PTPRG: variants seen among roughly 807,000 people sequenced by gnomAD.
PTPRG encodes the protein protein tyrosine phosphatase receptor type G, also known as receptor-type tyrosine-protein phosphatase gamma.
Under a neutral mutation model 165.3 loss-of-function variants are expected in PTPRG, and 102 were observed. That is an observed-to-expected ratio of 0.62 (90% confidence interval 0.53 to 0.73). PTPRG has a LOEUF of 0.73. Among genes scored for constraint, PTPRG ranks in the 30% least tolerant of loss-of-function variants. The pLI, the probability that PTPRG is intolerant of heterozygous loss-of-function variation, is 0.00. For synonymous variants in PTPRG, 675 were observed against 669.5 expected (o/e 1.01, Z -0.13); for missense variants, 1,866 against 1,861.4 (o/e 1.00, Z -0.05).
chr3:62,120,895 G>T (rs1271976906), intron 5 of PTPRG, among the ~76,000 whole-genome samples: 2 of 152,096 alleles, frequency 1.3e-5, no homozygotes, highest in Non-Finnish European at 2.9e-5. Context: ...TGTGTTCCTG[G>T]TTGGGTACCA....
In PTPRG at chr3:61,690,392, A is replaced by G. The variant is rs536381435; in HGVS notation, c.86-58486A>G. On this transcript the variant is annotated intron_variant, in intron 1 of 29. Coordinates refer to ENST00000474889, the MANE Select transcript of PTPRG (RefSeq NM_002841.4). The stretch of plus-strand genomic sequence containing the variant: ...CTGCTTTTCTCCAGGATAAATGGCA[A>G]TTGCTTGATGCTTGATAGGGACGTA... 5.3e-5 allele frequency among the ~76,000 whole-genome samples: 8 copies of G among 152,304 alleles called. No individual in the cohort carries two copies. In the South Asian group the frequency reaches 1.7e-3, roughly 32 times the overall value.
chr3:62,099,793 CTTTTTTTT>C (rs759385441), intron 5 of PTPRG, among the ~76,000 whole-genome samples: 1 of 90,728 alleles, frequency 1.1e-5, no homozygotes, highest in Non-Finnish European at 2.0e-5. Context: ...AGTGTTAAAT[CTTTTTTTT>C]TTTTTTTTTT....
chr3:61,860,434 C>CTTTTTTT (rs766688465), intron 2 of PTPRG, among the ~76,000 whole-genome samples: 41 of 95,544 alleles, frequency 4.3e-4, no homozygotes, highest in Middle Eastern at 9.8e-3. Context: ...GTTTTTGTTC[C>CTTTTTTT]TTTTTTTTTT....
At chr3:61,888,898 T>C (rs2038130478) in intron 2 of PTPRG, among the ~76,000 whole-genome samples, 1 of 152,232 alleles carries the variant, frequency 6.6e-6, no homozygotes, top group Admixed American at 6.5e-5. Flanking sequence ...ATGGCAGTTA[T>C]TTTGCAGAAT....
chr3:62,181,148 C>A (rs562898008), intron 8 of PTPRG, among the ~76,000 whole-genome samples: 1 of 152,276 alleles, frequency 6.6e-6, no homozygotes, highest in South Asian at 2.1e-4. Context: ...AGTGAAGACA[C>A]CATGGATTTA....
rs575436086 is a variant in PTPRG at position 62,213,329 on chromosome 3, G to C, written c.2156-5522G>C. On this transcript the variant is annotated intron_variant, in intron 12 of 29. Transcript: ENST00000474889. The surrounding 1 kb of genome is among the most constrained non-coding windows in gnomAD (Gnocchi z 4.4). ...GCCTGTGCACTCACACAGGCCCTGT[G>C]CTCAGAAGGGCCTATGCTTGCTTTC... 2.6e-5 allele frequency among the ~76,000 whole-genome samples: 4 copies of C among 152,228 alleles called. No homozygotes were observed. In the South Asian group the frequency reaches 8.3e-4, roughly 32 times the overall value.
chr3:61,701,313 G>A (rs1368662124), intron 1 of PTPRG, among the ~76,000 whole-genome samples: 1 of 152,082 alleles, frequency 6.6e-6, no homozygotes, highest in Non-Finnish European at 1.5e-5. Context: ...CAAGGTATCT[G>A]ACAACTCCTC....
chr3:61,905,263 C>A (rs2107528625), intron 2 of PTPRG, among the ~76,000 whole-genome samples: 1 of 152,242 alleles, frequency 6.6e-6, no homozygotes, highest in African/African-American at 2.4e-5. Flanking sequence ...ACATAGGGAG[C>A]TTGACTGTGA....
At chr3:62,043,662 A>G (rs1700195155) in intron 4 of PTPRG, among the ~76,000 whole-genome samples, 1 of 152,192 alleles carries the variant, frequency 6.6e-6, no homozygotes, top group South Asian at 2.1e-4. Context: ...GGTTTTAGGT[A>G]TAGAAGAACA....
At chr3:61,823,757 T>C (rs1165349649) in intron 2 of PTPRG, among the ~76,000 whole-genome samples, 1 of 152,226 alleles carries the variant, frequency 6.6e-6, no homozygotes, top group African/African-American at 2.4e-5. Flanking sequence ...ATCAATAATG[T>C]AGGACAACGG....
chr3:62,000,229 G>A (rs1025494376), intron 3 of PTPRG, among the ~76,000 whole-genome samples: 24 of 150,948 alleles, frequency 1.6e-4, no homozygotes, highest in Non-Finnish European at 2.9e-4. Flanking sequence ...TGCAGTGGGC[G>A]GTGATCACAT....
At chr3:61,926,930 A>T (rs1481120154) in intron 2 of PTPRG, among the ~76,000 whole-genome samples, 1 of 152,150 alleles carries the variant, frequency 6.6e-6, no homozygotes, top group Non-Finnish European at 1.5e-5. Context: ...AGAAAAAAAA[A>T]ATCTGTACAT....
At chr3:61,946,381 G>A (rs1413570455) in intron 2 of PTPRG, among the ~76,000 whole-genome samples, 2 of 152,158 alleles carry the variant, frequency 1.3e-5, no homozygotes, top group African/African-American at 4.8e-5. Flanking sequence ...GAACAGAGAA[G>A]GATTTAATTT....
At chr3:61,643,155 C>G (rs1178545869) in intron 1 of PTPRG, among the ~76,000 whole-genome samples, 1 of 152,042 alleles carries the variant, frequency 6.6e-6, no homozygotes, top group Non-Finnish European at 1.5e-5. Flanking sequence ...TGAGACATAT[C>G]CATGAAAGTC....
chr3:62,241,203 G>C (rs1437606624), intron 14 of PTPRG, among the ~76,000 whole-genome samples: 1 of 152,092 alleles, frequency 6.6e-6, no homozygotes, highest in Non-Finnish European at 1.5e-5. Context: ...GCTTAGCCAG[G>C]CTTAAGGAAG....
At chr3:61,887,885 A>C (rs2038096300) in intron 2 of PTPRG, among the ~76,000 whole-genome samples, 1 of 152,228 alleles carries the variant, frequency 6.6e-6, no homozygotes, top group South Asian at 2.1e-4. Flanking sequence ...TATTAGAGGA[A>C]CATTACTTAA....
intron 4 of PTPRG, among the ~76,000 whole-genome samples, chr3:62,009,820 C>T (rs528902722): frequency 6.6e-6 from 1 of 152,278 alleles, no homozygotes; most frequent in Non-Finnish European, 1.5e-5. Flanking sequence ...TCCTGAGCTT[C>T]AGCAGCATGA....
At chr3:61,956,429 A>G (rs2107634221) in intron 2 of PTPRG, among the ~76,000 whole-genome samples, 1 of 148,316 alleles carries the variant, frequency 6.7e-6, no homozygotes, top group African/African-American at 2.5e-5. Flanking sequence ...TTTGGTCATT[A>G]CTATTCTTGC....
chr3:62,156,998 G>T, intron 6 of PTPRG, 69 bp from the exon 7 acceptor site: 1 of 1,404,264 alleles, frequency 7.1e-7, no homozygotes, highest in South Asian at 1.2e-5. Context: ...CGAGGGTGTT[G>T]ACTGTGTCTG....
Sources: gnomAD v4.1 joint callset for allele counts (sites outside exome capture counted in the v4.1 genomes callset) on GRCh38, gnomAD v4.1.1 for gene constraint, Gnocchi (gnomAD v3.1) non-coding constraint, MANE v1.5 for transcripts, NCBI Gene and HGNC (gene_info 2026-07-23, HGNC 2026-07-21) for gene names.